Variants in HMGCLL1 observed in about 807,000 individuals in gnomAD.
HMGCLL1 encodes 3-hydroxy-3-methylglutaryl-CoA lyase like 1, also known as 3-hydroxymethyl-3-methylglutaryl-CoA lyase, cytoplasmic.
In HMGCLL1, 36 loss-of-function variants were observed where a neutral mutation model predicts 39.1. The observed-to-expected ratio is 0.92, with a 90% CI of 0.71 to 1.22. The LOEUF is 1.22. Among genes scored for constraint, HMGCLL1 ranks in the 50% most tolerant of loss-of-function variants. The probability of loss-of-function intolerance (pLI) is 0.00; values close to 1 mark genes in which losing one functional copy is unlikely to be tolerated. For missense variants in HMGCLL1, 451 were observed against 416.5 expected (o/e 1.08, Z -0.72); for synonymous variants, 149 against 144.0 (o/e 1.03, Z -0.25).
chr6:55,660,287 GT>G, the HMGCLL1 span, among the ~76,000 whole-genome samples: 23 of 151,754 alleles, frequency 1.5e-4, 1 homozygote, highest in Non-Finnish European at 3.2e-4. Context: ...ATGTCACAGG[GT>G]TTTTTTGTGC....
intron 1 of HMGCLL1, among the ~76,000 whole-genome samples, chr6:55,550,921 C>T (rs1770292520): frequency 6.6e-6 from 1 of 151,358 alleles, no homozygotes; most frequent in South Asian, 2.1e-4. Context: ...AAGGTTAAGC[C>T]ATCCTGACCT....
Position 55,439,429 on chromosome 6 carries a change from C to T in HMGCLL1, c.921+5G>A. ...TGAATATTAAAATACGTTAAAGTAA[C>T]TTACTGTATTGAGCCCCAGGCCATT... On this transcript the variant is annotated splice_donor_5th_base_variant and intron_variant, in intron 8 of 8. Transcript: ENST00000274901. 1.2e-6 allele frequency: 2 copies of T among 1,606,852 alleles called. No individual in the cohort carries two copies.
rs1763308682 is a variant in HMGCLL1, at chr6:55,434,889, TATC to T, written c.*770_*772del. 7.0e-6 allele frequency: 1 copy of T among 143,500 alleles called. No individual in the cohort carries two copies. The allele number at this position is 143,500 out of a possible 1,614,324, so 8.9% of individuals were successfully genotyped here. On this transcript the variant is annotated 3_prime_UTR_variant, in exon 9 of 9. Coordinates refer to ENST00000274901, the MANE Select transcript of HMGCLL1 (RefSeq NM_001042406.2). ...TATGATACATGTATCAACCTATTCT[TATC>T]ACTGCAATTTAGACATCAGGACAAA...
intron 5 of HMGCLL1, among the ~76,000 whole-genome samples, chr6:55,511,902 T>C (rs28709795): frequency 0.013 from 1,987 of 152,202 alleles, 36 homozygotes; most frequent in African/African-American, 0.045. Flanking sequence ...AAATCCACAC[T>C]GGAAAACATA....
In HMGCLL1 at chr6:55,440,572, G is replaced by A. The variant is rs115562325; in HGVS notation, c.796-1013C>T. 7.4e-3 allele frequency among the ~76,000 whole-genome samples: 1,134 copies of A among 152,220 alleles called. 20 individuals are homozygous for A. The highest frequency in any genetic ancestry group is 0.026 in the African/African-American group (1,072 of 41,542). On this transcript the variant is annotated intron_variant, in intron 7 of 8. Coordinates refer to ENST00000274901, the MANE Select transcript of HMGCLL1 (RefSeq NM_001042406.2). ...ACAGAGGCAGGCATGCCATTCCTCT[G>A]TGAAAGGTAACAATTCGGTAATCAG...
chr6:55,540,947 G>A (rs1404853935), intron 3 of HMGCLL1, among the ~76,000 whole-genome samples: 1 of 152,160 alleles, frequency 6.6e-6, no homozygotes, highest in Non-Finnish European at 1.5e-5. Context: ...AGAGATGACA[G>A]AGAAAGAGCA....
the HMGCLL1 span, among the ~76,000 whole-genome samples, chr6:55,658,426 G>A: frequency 0.35 from 53,019 of 151,782 alleles, 9,623 homozygotes; most frequent in African/African-American, 0.44. Context: ...CCCCAACCCA[G>A]TGCAAACACC....
chr6:55,516,531 T>C lies in HMGCLL1; in HGVS notation c.370A>G (p.Asn124Asp). ...ACAGCATGGTGAAAACCCTGAAGAT[T>C]AGGAGTAAGGACAGGATAGCGAACT... Reference protein sequence around the residue: ...PGVRYPVLTPNLQGFHHAVAA... With the variant: ...PGVRYPVLTPDLQGFHHAVAA... Residue 124 changes from asparagine (N) to aspartate (D), a missense_variant, in exon 4 of 9, where the codon AAT (asparagine) becomes GAT (aspartate). Coordinates refer to ENST00000274901, the MANE Select transcript of HMGCLL1 (RefSeq NM_001042406.2). The C allele has an allele frequency of 6.3e-7, 1 of 1,597,806 alleles. No individual in the cohort carries two copies. Among genetic ancestry groups the C allele is most frequent in the Non-Finnish European group, 8.6e-7 (1 of 1,168,874 alleles).
intron 3 of HMGCLL1, among the ~76,000 whole-genome samples, chr6:55,529,870 A>G (rs1183277122): frequency 2.0e-5 from 3 of 152,150 alleles, no homozygotes; most frequent in Non-Finnish European, 4.4e-5. Flanking sequence ...ATAGAGACAC[A>G]ATAAAAGCAA....
the HMGCLL1 span, among the ~76,000 whole-genome samples, chr6:55,613,129 G>T: frequency 1.3e-5 from 2 of 152,080 alleles, no homozygotes. Context: ...CAAAAAGTGG[G>T]CAAAGGACAT....
At chr6:55,642,702 G>A in the HMGCLL1 span, among the ~76,000 whole-genome samples, 61 of 152,042 alleles carry the variant, frequency 4.0e-4, no homozygotes, top group Admixed American at 3.8e-3. Flanking sequence ...TTGTGTCACG[G>A]GGTTTTGTTG....
chr6:55,677,244 G>T, the HMGCLL1 span, among the ~76,000 whole-genome samples: 11 of 152,064 alleles, frequency 7.2e-5, no homozygotes, highest in Non-Finnish European at 1.6e-4. Flanking sequence ...AAAACAATTA[G>T]CCAGGCATGA....
At chr6:55,436,055 G>A (rs1763359751) in intron 8 of HMGCLL1, among the ~76,000 whole-genome samples, 2 of 151,708 alleles carry the variant, frequency 1.3e-5, no homozygotes, top group African/African-American at 2.4e-5. Context: ...AGTCTAGGAA[G>A]GACAATAATG....
chr6:55,536,148 G>A lies in HMGCLL1; in HGVS notation c.297+5581C>T, dbSNP rs546951176. ...GTTCCTTCTTGCTAACATTGTGTTT[G>A]GTCCATATTTTTAAGTTTTAGAGTG... On this transcript the variant is annotated intron_variant, in intron 3 of 8. Transcript: ENST00000274901. Among the ~76,000 whole-genome samples the A allele has an allele frequency of 8.5e-5, 13 of 152,054 alleles. No homozygotes were observed. The East Asian group carries it at 2.5e-3, about 29-fold the overall frequency.
intron 1 of HMGCLL1, among the ~76,000 whole-genome samples, chr6:55,573,482 A>G (rs1771619693): frequency 1.3e-5 from 2 of 152,188 alleles, no homozygotes; most frequent in South Asian, 4.1e-4. Flanking sequence ...TGTGGCAGAG[A>G]ACTGAAGCCT....
At chr6:55,639,486 T>G in the HMGCLL1 span, among the ~76,000 whole-genome samples, 3 of 151,498 alleles carry the variant, frequency 2.0e-5, no homozygotes, top group African/African-American at 4.9e-5. Context: ...GAGCTAAAAT[T>G]CCACTGGAGA....
At chr6:55,584,856 A>G in the HMGCLL1 span, among the ~76,000 whole-genome samples, 1 of 152,082 alleles carries the variant, frequency 6.6e-6, no homozygotes, top group Non-Finnish European at 1.5e-5. Flanking sequence ...CAATGATTCC[A>G]TAGAACTTTG....
At chr6:55,560,809 A>T (rs1456423610) in intron 1 of HMGCLL1, among the ~76,000 whole-genome samples, 1 of 152,164 alleles carries the variant, frequency 6.6e-6, no homozygotes, top group Non-Finnish European at 1.5e-5. Flanking sequence ...CCTCACAAAA[A>T]ACAGCTAACA....
intron 7 of HMGCLL1, among the ~76,000 whole-genome samples, chr6:55,469,049 A>G (rs1484784541): frequency 1.3e-5 from 2 of 151,726 alleles, no homozygotes; most frequent in Non-Finnish European, 2.9e-5. Context: ...TTCACTAATT[A>G]GTTTTCTGAG....
Sources: allele counts gnomAD v4.1 joint callset (sites outside exome capture counted in the v4.1 genomes callset), GRCh38; gene constraint gnomAD v4.1.1; transcripts MANE v1.5; gene names NCBI Gene and HGNC (gene_info 2026-07-23, HGNC 2026-07-21).